Variants in KATNAL2 observed in about 807,000 individuals in gnomAD.
The protein encoded by KATNAL2 is katanin catalytic subunit A1 like 2.
A neutral mutation model predicts 76.3 loss-of-function variants in KATNAL2; 52 were observed. The ratio of observed to expected loss-of-function variants is 0.68; its 90% CI spans 0.55 to 0.86. KATNAL2 has a LOEUF of 0.86. KATNAL2 is among the 40% of genes least tolerant of loss of function. KATNAL2 has a pLI of 0.00. For synonymous variants in KATNAL2, 243 were observed against 244.2 expected (o/e 1.00, Z 0.05); for missense variants, 660 against 668.9 (o/e 0.99, Z 0.15).
intron 9 of KATNAL2, 75 bp from the exon 10 acceptor site, chr18:47,063,209 C>T (rs1169668964): frequency 2.0e-6 from 3 of 1,498,196 alleles, no homozygotes; most frequent in East Asian, 2.3e-5. Flanking sequence ...TTCACCAAGA[C>T]CTGTGCATGC....
chr18:47,101,125 T>G lies in KATNAL2; in HGVS notation c.*120T>G. On this transcript the variant is annotated 3_prime_UTR_variant, in exon 18 of 18. Transcript: ENST00000683218. Reference sequence around the variant, plus strand: ...GAGAAAATTATTTTTGAAGACTGGATTAACTTGAGCCACTGTATTGTTTTG... The same window carrying G: ...GAGAAAATTATTTTTGAAGACTGGAGTAACTTGAGCCACTGTATTGTTTTG... The G allele has an allele frequency of 8.8e-7, 1 of 1,135,294 alleles. No individual in the cohort carries two copies. The highest frequency in any genetic ancestry group is 1.3e-6 in the Non-Finnish European group (1 of 796,868). 70.3% of individuals were successfully genotyped at this position (1,135,294 alleles called of 1,614,324 possible).
intron 3 of KATNAL2, among the ~76,000 whole-genome samples, chr18:46,949,489 AGCCTGCCTTG>A (rs2059485891): frequency 6.6e-6 from 1 of 152,156 alleles, no homozygotes; most frequent in Non-Finnish European, 1.5e-5. Flanking sequence ...TCAAGTGATC[AGCCTGCCTTG>A]GCCTCCCAAA....
At chr18:46,931,389 C>T (rs2058918200) in intron 1 of KATNAL2, among the ~76,000 whole-genome samples, 1 of 151,960 alleles carries the variant, frequency 6.6e-6, no homozygotes, top group South Asian at 2.1e-4. Flanking sequence ...TGGTGGCTCA[C>T]ACCTGTAATC....
intron 7 of KATNAL2, among the ~76,000 whole-genome samples, 154 bp downstream of exon 7, chr18:47,058,506 C>T (rs1424580230): frequency 6.6e-6 from 1 of 152,192 alleles, no homozygotes; most frequent in Non-Finnish European, 1.5e-5. Flanking sequence ...GTACACTGGA[C>T]TAAAACCATG....
intron 15 of KATNAL2, among the ~76,000 whole-genome samples, chr18:47,098,018 T>C (rs1055158109): frequency 2.0e-5 from 3 of 152,140 alleles, no homozygotes; most frequent in Admixed American, 1.3e-4. Flanking sequence ...TGCTAAAATA[T>C]TTAGGGATGA....
rs911608826 is a variant in KATNAL2, at chr18:46,961,794, A to AT, written c.51+14876dup. Among the ~76,000 whole-genome samples the AT allele has an allele frequency of 2.4e-3, 365 of 150,234 alleles. 5 individuals are homozygous for AT. The highest frequency in any genetic ancestry group is 8.5e-3 in the African/African-American group (353 of 41,388). On this transcript the variant is annotated intron_variant, in intron 3 of 17. Transcript: ENST00000683218. The stretch of plus-strand genomic sequence containing the variant: ...AGGCCAGTCTATTTTGATAAATGGC[A>AT]TTTTTGATTTGGGCTTTCTGCTAGG...
chr18:47,062,683 T>C (rs577712561), intron 8 of KATNAL2, among the ~76,000 whole-genome samples: 1 of 152,186 alleles, frequency 6.6e-6, no homozygotes, highest in African/African-American at 2.4e-5. Context: ...ACAGGGGAAG[T>C]CAACATATAA....
At position 47,071,041 on chromosome 18, in the gene KATNAL2, G is replaced by A. The variant is rs2061979968; in HGVS notation, c.1008+1441G>A. On this transcript the variant is annotated intron_variant, in intron 13 of 17. Transcript: ENST00000683218. Reference sequence around the variant, plus strand: ...AACTGCACGGGTCTACTTATATGGGGAATTTTTTTCAACAAAATACAGTAT... The same window carrying A: ...AACTGCACGGGTCTACTTATATGGGAAATTTTTTTCAACAAAATACAGTAT... Among the ~76,000 whole-genome samples the A allele has an allele frequency of 2.6e-5, 4 of 152,066 alleles. No homozygotes were observed. The South Asian group carries it at 6.2e-4, about 24-fold the overall frequency.
chr18:47,036,781 A>G (rs764884655), intron 3 of KATNAL2, among the ~76,000 whole-genome samples: 1 of 152,214 alleles, frequency 6.6e-6, no homozygotes, highest in East Asian at 1.9e-4. Context: ...ACTTGGTCCT[A>G]TGTTTCTGAG....
At chr18:46,958,669 C>T (rs895737698) in intron 3 of KATNAL2, among the ~76,000 whole-genome samples, 50 of 152,276 alleles carry the variant, frequency 3.3e-4, no homozygotes, top group African/African-American at 1.1e-3. Context: ...TAAGACTATA[C>T]GTAATCTGTA....
At chr18:46,928,381 C>T (rs1048934182) in intron 1 of KATNAL2, among the ~76,000 whole-genome samples, 11 of 152,182 alleles carry the variant, frequency 7.2e-5, no homozygotes, top group African/African-American at 1.9e-4. Flanking sequence ...GTATCAGCAG[C>T]GGTGGCTGCA....
chr18:47,075,488 C>A, intron 14 of KATNAL2, 120 bp downstream of exon 14: 1 of 614,124 alleles, frequency 1.6e-6, no homozygotes, highest in Non-Finnish European at 2.5e-6. Context: ...CATTAATAAG[C>A]CCACAAATTT....
chr18:47,098,957 T>G (rs2063362363), intron 15 of KATNAL2: 1 of 295,516 alleles, frequency 3.4e-6, no homozygotes, highest in Non-Finnish European at 6.3e-6. Context: ...TCATTAGTTC[T>G]GAGAATGTGC....
intron 1 of KATNAL2, among the ~76,000 whole-genome samples, chr18:46,923,330 T>C (rs950242861): frequency 6.6e-6 from 1 of 151,684 alleles, no homozygotes; most frequent in South Asian, 2.1e-4. Flanking sequence ...GTTTGGTTTT[T>C]TGTCCTTGCG....
intron 1 of KATNAL2, among the ~76,000 whole-genome samples, chr18:46,931,674 G>GAGAA (rs536419933): frequency 6.8e-6 from 1 of 146,422 alleles, no homozygotes; most frequent in Non-Finnish European, 1.5e-5. Flanking sequence ...GAGGGAAAGA[G>GAGAA]AGAAAGAAAG....
At chr18:46,957,762 A>G (rs748829743) in intron 3 of KATNAL2, among the ~76,000 whole-genome samples, 6 of 147,526 alleles carry the variant, frequency 4.1e-5, no homozygotes, top group Non-Finnish European at 7.4e-5. Flanking sequence ...GGGTTTCTCC[A>G]TGTTGGTCAG....
intron 1 of KATNAL2, among the ~76,000 whole-genome samples, chr18:46,932,673 C>CA (rs1162695359): frequency 0.078 from 3,296 of 42,450 alleles, 228 homozygotes; most frequent in Non-Finnish European, 0.1. Flanking sequence ...GACTCTGTCT[C>CA]AAAAAAAAAA....
At position 47,065,849 on chromosome 18, in the gene KATNAL2, TG is replaced by T. The variant is rs1255957970; in HGVS notation, c.727-1171del. On this transcript the variant is annotated intron_variant, in intron 10 of 17. Coordinates refer to ENST00000683218, the MANE Select transcript of KATNAL2 (RefSeq NM_001387690.1). ...AAAAAAAATAGCTGGGCATGGTGTGTGCCTCCTTGGGAGGCTGAGGTGGGAG... is the reference window on the plus strand; with the variant it reads ...AAAAAAAATAGCTGGGCATGGTGTGTCCTCCTTGGGAGGCTGAGGTGGGAG... Among the ~76,000 whole-genome samples, 4 of 151,908 alleles carry T rather than the reference TG, an allele frequency of 2.6e-5. No individual in the cohort carries two copies. The East Asian group carries it at 7.7e-4, about 29-fold the overall frequency.
chr18:46,940,423 A>C (rs1241266154), intron 1 of KATNAL2, among the ~76,000 whole-genome samples: 4 of 152,246 alleles, frequency 2.6e-5, no homozygotes, highest in Non-Finnish European at 5.9e-5. Context: ...TGTCTGTGTG[A>C]TTAAAACGCT....
Sources: allele counts gnomAD v4.1 joint callset (sites outside exome capture counted in the v4.1 genomes callset), GRCh38; gene constraint gnomAD v4.1.1; transcripts MANE v1.5; gene names NCBI Gene and HGNC (gene_info 2026-07-23, HGNC 2026-07-21).